Variants in RSBN1L observed in about 807,000 individuals in gnomAD.
The protein encoded by RSBN1L is lysine-specific demethylase RSBN1L.
RSBN1L carries 30 observed loss-of-function variants against 67.7 expected under a neutral mutation model. The ratio of observed to expected loss-of-function variants is 0.44; its 90% CI spans 0.33 to 0.60. RSBN1L has a LOEUF of 0.60. RSBN1L is among the 20% of genes least tolerant of loss of function. The pLI is 0.02. For missense variants in RSBN1L, 992 were observed against 1,031.7 expected (o/e 0.96, Z 0.53); for synonymous variants, 433 against 387.0 (o/e 1.12, Z -1.39).
intron 6 of RSBN1L, among the ~76,000 whole-genome samples, chr7:77,774,398 G>A (rs1437252255): frequency 1.3e-5 from 2 of 151,994 alleles, no homozygotes; most frequent in Non-Finnish European, 2.9e-5. Flanking sequence ...GACCAGCCTG[G>A]ACAACATGGT....
chr7:77,769,797 T>TATGAATATAGC (rs1791821654), intron 5 of RSBN1L, among the ~76,000 whole-genome samples: 1 of 152,218 alleles, frequency 6.6e-6, no homozygotes, highest in Non-Finnish European at 1.5e-5. Flanking sequence ...TGGCAAAAAT[T>TATGAATATAGC]ATGAATATAG....
At chr7:77,778,095 C>A (rs1791941116) in intron 6 of RSBN1L, among the ~76,000 whole-genome samples, 1 of 152,118 alleles carries the variant, frequency 6.6e-6, no homozygotes, top group South Asian at 2.1e-4. Context: ...TTCAATTTTC[C>A]AAACTCTTGT....
intron 2 of RSBN1L, among the ~76,000 whole-genome samples, chr7:77,737,569 A>G (rs1791353470): frequency 6.6e-6 from 1 of 152,002 alleles, no homozygotes; most frequent in African/African-American, 2.4e-5. Flanking sequence ...TCAGAGCTTA[A>G]GTTGATGGCT....
intron 4 of RSBN1L, 57 bp downstream of exon 4, chr7:77,765,689 C>A: frequency 1.7e-6 from 2 of 1,178,734 alleles, no homozygotes; most frequent in Non-Finnish European, 2.3e-6. Flanking sequence ...GGAAGAAAAA[C>A]CAATATGAGT....
At position 77,696,656 on chromosome 7, in the gene RSBN1L, G is replaced by A. The variant is rs373289299; in HGVS notation, c.187G>A (p.Gly63Ser). 11 of 1,612,274 alleles carry A rather than the reference G, an allele frequency of 6.8e-6. No homozygotes were observed. Among genetic ancestry groups the A allele is most frequent in the Non-Finnish European group, 9.3e-6 (11 of 1,179,488 alleles). The change falls in exon 1 of 8, where the codon GGC (glycine) becomes AGC (serine). Residue 63 changes from glycine to serine, a missense_variant. This residue lies in a region of RSBN1L where 575 missense variants were observed against 483.2 expected (regional missense o/e 1.19). Transcript: ENST00000334955. ...GAGAGTGAACGGAGAAGGGGGCAGC[G>A]GCGGGAACAGCAGGCAGCTGCAGCC... ...PRRVNGEGGS[G>S]GNSRQLQPPA... is the part of the protein sequence containing the mutation.
At chr7:77,740,889 A>G (rs1791399687) in intron 2 of RSBN1L, among the ~76,000 whole-genome samples, 1 of 149,980 alleles carries the variant, frequency 6.7e-6, no homozygotes, top group South Asian at 2.1e-4. Context: ...GACTCTATAC[A>G]CGTGTGTATC....
At chr7:77,724,197 A>T (rs1791160535) in intron 1 of RSBN1L, among the ~76,000 whole-genome samples, 1 of 151,702 alleles carries the variant, frequency 6.6e-6, no homozygotes, top group Admixed American at 6.6e-5. Flanking sequence ...ATGGAGGGAG[A>T]CCTTTGGAAA....
rs1584280481 is a variant in RSBN1L at position 77,720,391 on chromosome 7, G to C, written c.587-16019G>C. ...GACTGACCAACATGGAGAAACCCCG[G>C]GTCTACTAAAAATACAAAATTAGCT... On this transcript the variant is annotated intron_variant, in intron 1 of 7. Coordinates refer to ENST00000334955, the MANE Select transcript of RSBN1L (RefSeq NM_198467.3). 2.6e-5 allele frequency among the ~76,000 whole-genome samples: 4 copies of C among 151,742 alleles called. No individual in the cohort carries two copies. In the East Asian group the frequency reaches 7.8e-4, roughly 30 times the overall value.
chr7:77,737,814 G>A (rs1201754121), intron 2 of RSBN1L, among the ~76,000 whole-genome samples: 1 of 152,094 alleles, frequency 6.6e-6, no homozygotes, highest in Non-Finnish European at 1.5e-5. Context: ...CTTGAGGTCA[G>A]GAGTTTGAGA....
chr7:77,767,542 T>G (rs896561861), intron 4 of RSBN1L, among the ~76,000 whole-genome samples: 3 of 151,624 alleles, frequency 2.0e-5, no homozygotes, highest in Non-Finnish European at 4.4e-5. Flanking sequence ...CTAGGCTAAT[T>G]TTTTGTATCT....
rs1792002965 is a variant in RSBN1L at position 77,781,836 on chromosome 7, T to C, written c.*2668T>C. The C allele has an allele frequency of 6.6e-6, 1 of 151,884 alleles. No individual in the cohort carries two copies. The highest frequency in any genetic ancestry group is 1.5e-5 in the Non-Finnish European group (1 of 67,970). The allele number at this position is 151,884 out of a possible 1,614,324, so 9.4% of individuals were successfully genotyped here. On this transcript the variant is annotated 3_prime_UTR_variant, in exon 8 of 8. Transcript: ENST00000334955. ...CGTCTCTACTAAAAATACAAAAAAA[T>C]TAGTTGGGCGTGGTGGCGTGCGCCT...
chr7:77,768,432 A>G (rs1791803261), intron 4 of RSBN1L: 1 of 459,910 alleles, frequency 2.2e-6, no homozygotes, highest in Non-Finnish European at 3.9e-6. Flanking sequence ...CTAGCAGGGT[A>G]TAGGGACAGA....
chr7:77,767,359 C>G (rs1463670134), intron 4 of RSBN1L, among the ~76,000 whole-genome samples: 1 of 151,320 alleles, frequency 6.6e-6, no homozygotes, highest in African/African-American at 2.4e-5. Flanking sequence ...TCTTCCCTCT[C>G]TCTGTCTTTT....
chr7:77,758,630 T>C (rs1418496306), intron 3 of RSBN1L, among the ~76,000 whole-genome samples: 1 of 152,226 alleles, frequency 6.6e-6, no homozygotes, highest in African/African-American at 2.4e-5. Context: ...CACTTCTTGA[T>C]GACAGGAGTG....
chr7:77,755,730 G>A (rs1402081092), intron 3 of RSBN1L, among the ~76,000 whole-genome samples: 1 of 152,058 alleles, frequency 6.6e-6, no homozygotes, highest in Non-Finnish European at 1.5e-5. Context: ...AAAATTGTAA[G>A]TAAGCTGAAC....
intron 1 of RSBN1L, among the ~76,000 whole-genome samples, chr7:77,711,122 G>A: frequency 6.6e-6 from 1 of 152,056 alleles, no homozygotes; most frequent in East Asian, 1.9e-4. Context: ...ACAGCAGAAG[G>A]GTGATAATGG....
At chr7:77,763,667 T>G (rs1179306542) in intron 3 of RSBN1L, among the ~76,000 whole-genome samples, 1 of 152,186 alleles carries the variant, frequency 6.6e-6, no homozygotes, top group Non-Finnish European at 1.5e-5. Context: ...GAGCATACAA[T>G]GGGGGCATAA....
intron 2 of RSBN1L, among the ~76,000 whole-genome samples, chr7:77,747,666 C>T (rs1791502498): frequency 6.6e-6 from 1 of 152,216 alleles, no homozygotes; most frequent in African/African-American, 2.4e-5. Context: ...GATGTTCAGG[C>T]AGAAGCCTGC....
chr7:77,727,251 C>T (rs1791216413), intron 1 of RSBN1L, among the ~76,000 whole-genome samples: 1 of 152,072 alleles, frequency 6.6e-6, no homozygotes, highest in Admixed American at 6.6e-5. Flanking sequence ...CCACGCCCAA[C>T]TAGTTTTATA....
Sources: allele counts gnomAD v4.1 joint callset (sites outside exome capture counted in the v4.1 genomes callset), GRCh38; gene constraint gnomAD v4.1.1; regional missense constraint gnomAD v4.1.1; transcripts MANE v1.5; gene names NCBI Gene and HGNC (gene_info 2026-07-23, HGNC 2026-07-21).